RANBP17: variants seen among roughly 807,000 people sequenced by gnomAD.
RANBP17 encodes ran-binding protein 17.
RANBP17 carries 158 observed loss-of-function variants against 141.2 expected under a neutral mutation model. That is an observed-to-expected ratio of 1.12 (90% CI 0.98 to 1.28). The LOEUF is 1.28. RANBP17 is among the 50% of genes most tolerant of loss of function. The pLI is 0.00. For missense variants in RANBP17, 1,438 were observed against 1,290.7 expected (o/e 1.11, Z -1.75); for synonymous variants, 430 against 450.0 (o/e 0.96, Z 0.56).
chr5:171,110,158 C>A (rs1383604967), intron 14 of RANBP17, among the ~76,000 whole-genome samples: 2 of 151,860 alleles, frequency 1.3e-5, no homozygotes, highest in Admixed American at 6.6e-5. Flanking sequence ...CTGCCTGGTT[C>A]AGATTCCAAC....
At chr5:171,130,501 A>T (rs1023978276) in intron 14 of RANBP17, among the ~76,000 whole-genome samples, 1 of 127,980 alleles carries the variant, frequency 7.8e-6, no homozygotes, top group Non-Finnish European at 1.5e-5. Context: ...CAATGGCATG[A>T]TCTCGGCTCA....
At chr5:171,289,150 C>G (rs563550226) in intron 25 of RANBP17, among the ~76,000 whole-genome samples, 17 of 152,262 alleles carry the variant, frequency 1.1e-4, no homozygotes, top group African/African-American at 3.6e-4. Context: ...GTGCCAGTGC[C>G]TAACCCTAGG....
At chr5:171,102,659 T>G (rs1024810812) in intron 14 of RANBP17, among the ~76,000 whole-genome samples, 8 of 152,168 alleles carry the variant, frequency 5.3e-5, no homozygotes, top group African/African-American at 1.9e-4. Context: ...TGTGATCCTT[T>G]GGAAGAGAAG....
At chr5:171,122,316 C>G (rs1459362875) in intron 14 of RANBP17, among the ~76,000 whole-genome samples, 1 of 152,158 alleles carries the variant, frequency 6.6e-6, no homozygotes, top group African/African-American at 2.4e-5. Context: ...TCAGGTGTCT[C>G]TAGTCAGCTA....
At chr5:171,251,045 A>G (rs1419867197) in intron 24 of RANBP17, among the ~76,000 whole-genome samples, 6 of 152,226 alleles carry the variant, frequency 3.9e-5, no homozygotes, top group Non-Finnish European at 5.9e-5. Flanking sequence ...GGAACATGGA[A>G]CATTCTCTAG....
At chr5:171,165,214 C>T (rs1007707966) in intron 14 of RANBP17, among the ~76,000 whole-genome samples, 1 of 152,088 alleles carries the variant, frequency 6.6e-6, no homozygotes, top group African/African-American at 2.4e-5. Context: ...TGGAGTCTCG[C>T]TCTGTCACCC....
At position 171,277,637 on chromosome 5, in the gene RANBP17, G is replaced by GTATATATATATA. The variant is rs70982330; in HGVS notation, c.2943+11810_2943+11821dup. 4.6e-3 allele frequency among the ~76,000 whole-genome samples: 264 copies of GTATATATATATA among 56,870 alleles called. 4 individuals are homozygous for GTATATATATATA. The highest frequency in any genetic ancestry group is 0.012 in the East Asian group (14 of 1,138). The allele number at this position is 56,870 out of a possible 152,430, so 37.3% of individuals were successfully genotyped here. On this transcript the variant is annotated intron_variant, in intron 25 of 27. Coordinates refer to ENST00000523189, the MANE Select transcript of RANBP17 (RefSeq NM_022897.5). ...GTGCCTTACGTATACATATATGTAT[G>GTATATATATATA]TATATATATATATATATATATATAT...
chr5:170,938,522 A>G (rs1376555419), intron 12 of RANBP17, among the ~76,000 whole-genome samples: 1 of 152,246 alleles, frequency 6.6e-6, no homozygotes, highest in Non-Finnish European at 1.5e-5. Flanking sequence ...AAGATGTTGG[A>G]ATTGGATAGG....
chr5:170,946,681 G>A (rs1774790299), intron 12 of RANBP17, among the ~76,000 whole-genome samples: 1 of 151,938 alleles, frequency 6.6e-6, no homozygotes, highest in Non-Finnish European at 1.5e-5. Context: ...ATATATTGTC[G>A]ATTTATTGAC....
At chr5:171,213,984 C>T (rs968950425) in intron 21 of RANBP17, among the ~76,000 whole-genome samples, 3 of 152,088 alleles carry the variant, frequency 2.0e-5, no homozygotes, top group African/African-American at 7.2e-5. Context: ...AAGACTGCAG[C>T]CACCATTATT....
At chr5:170,931,115 A>G (rs1773336260) in intron 12 of RANBP17, among the ~76,000 whole-genome samples, 1 of 152,154 alleles carries the variant, frequency 6.6e-6, no homozygotes, top group Non-Finnish European at 1.5e-5. Context: ...AACTGGTGTG[A>G]TATGGTATCT....
At chr5:171,172,349 A>G (rs189727313) in intron 16 of RANBP17, among the ~76,000 whole-genome samples, 21 of 151,950 alleles carry the variant, frequency 1.4e-4, no homozygotes, top group African/African-American at 4.8e-4. Context: ...ATCACTACAA[A>G]TTTTGAGGAT....
At chr5:171,126,116 A>C (rs1326375574) in intron 14 of RANBP17, among the ~76,000 whole-genome samples, 1 of 152,198 alleles carries the variant, frequency 6.6e-6, no homozygotes, top group East Asian at 1.9e-4. Flanking sequence ...ATTATGCCAC[A>C]TATTATATCT....
chr5:171,063,082 T>C (rs998535343), intron 14 of RANBP17, among the ~76,000 whole-genome samples: 10 of 151,856 alleles, frequency 6.6e-5, no homozygotes, highest in East Asian at 1.9e-4. Flanking sequence ...TCAAAGTTTT[T>C]AACTTCTTTG....
chr5:171,242,655 G>C, intron 23 of RANBP17, 27 bp from the exon 24 acceptor site: 1 of 1,603,556 alleles, frequency 6.2e-7, no homozygotes, highest in East Asian at 2.2e-5. Flanking sequence ...TCTGTGGCTT[G>C]ACATTTAGTA....
At chr5:170,892,299 C>G in intron 3 of RANBP17, 88 bp from the exon 4 acceptor site, 3 of 306,272 alleles carry the variant, frequency 9.8e-6, no homozygotes, top group Non-Finnish European at 1.4e-5. Context: ...CCCTCCCCTT[C>G]CCCCACCCCC....
At position 171,170,545 on chromosome 5, in the gene RANBP17, G is replaced by C. The variant is rs114685096; in HGVS notation, c.1784+342G>C. Among the ~76,000 whole-genome samples, 1,133 of 152,180 alleles carry C rather than the reference G, an allele frequency of 7.4e-3. 13 individuals are homozygous for C. Among genetic ancestry groups the C allele is most frequent in the African/African-American group, 0.026 (1,071 of 41,532 alleles). On this transcript the variant is annotated intron_variant, in intron 15 of 27. Transcript: ENST00000523189. ...CACGCGATTTGAAAGACCACGTGAA[G>C]AGATTATTGCAAATTGAAATCATTG...
At chr5:171,068,967 C>T (rs1784476805) in intron 14 of RANBP17, among the ~76,000 whole-genome samples, 1 of 152,150 alleles carries the variant, frequency 6.6e-6, no homozygotes, top group Non-Finnish European at 1.5e-5. Flanking sequence ...CTATCCTTGT[C>T]ATGTTTTTGC....
chr5:171,260,768 G>T (rs572728715), intron 24 of RANBP17, among the ~76,000 whole-genome samples: 19 of 151,998 alleles, frequency 1.3e-4, no homozygotes, highest in Non-Finnish European at 2.2e-4. Context: ...GTGTCTAAAT[G>T]TAGGCTGATG....
Sources: gnomAD v4.1 joint callset for allele counts (sites outside exome capture counted in the v4.1 genomes callset) on GRCh38, gnomAD v4.1.1 for gene constraint, MANE v1.5 for transcripts, NCBI Gene and HGNC (gene_info 2026-07-23, HGNC 2026-07-21) for gene names.